Variants in ERC2 observed in about 807,000 individuals in gnomAD.
ERC2 encodes the protein ELKS/RAB6-interacting/CAST family member 2.
ERC2 carries 42 observed loss-of-function variants against 114.8 expected under a neutral mutation model. The ratio of observed to expected loss-of-function variants is 0.37; its 90% CI spans 0.29 to 0.47. The LOEUF is 0.47. Among genes scored for constraint, ERC2 ranks in the 20% least tolerant of loss-of-function variants. ERC2 has a pLI of 0.99. For missense variants in ERC2, 939 were observed against 1,150.7 expected (o/e 0.82, Z 2.66); for synonymous variants, 454 against 425.5 (o/e 1.07, Z -0.82).
chr3:55,565,892 C>T (rs749871214), intron 17 of ERC2, among the ~76,000 whole-genome samples: 1 of 152,204 alleles, frequency 6.6e-6, no homozygotes, highest in Non-Finnish European at 1.5e-5. Flanking sequence ...GAAAGCAGGG[C>T]GAGTCAAAAG....
At chr3:55,860,650 TA>T (rs1227112257) in intron 14 of ERC2, among the ~76,000 whole-genome samples, 1 of 152,152 alleles carries the variant, frequency 6.6e-6, no homozygotes, top group African/African-American at 2.4e-5. Flanking sequence ...GAAGCCTGCT[TA>T]AAAAGCTCGA....
At position 55,949,648 on chromosome 3, in the gene ERC2, C is replaced by T. The variant is rs561024509; in HGVS notation, c.2403+777G>A. Among the ~76,000 whole-genome samples, 3 of 152,324 alleles carry T rather than the reference C, an allele frequency of 2.0e-5. No homozygotes were observed. The East Asian group carries it at 5.8e-4, about 29-fold the overall frequency. ...ATGAGTACATATTGAAATTATCTAACTTCTCCTATCTCCAAGGAGGAAACC... is the reference window on the plus strand; with the variant it reads ...ATGAGTACATATTGAAATTATCTAATTTCTCCTATCTCCAAGGAGGAAACC... On this transcript the variant is annotated intron_variant, in intron 13 of 17. Transcript: ENST00000288221.
chr3:55,861,975 A>G (rs2062047962), intron 14 of ERC2, among the ~76,000 whole-genome samples: 1 of 152,258 alleles, frequency 6.6e-6, no homozygotes, highest in African/African-American at 2.4e-5. Context: ...AGTGTTAAAC[A>G]TCACTCTAAT....
In ERC2 at chr3:55,953,620, T is replaced by C. The variant is rs537706387; in HGVS notation, c.2268-3060A>G. Among the ~76,000 whole-genome samples the C allele has an allele frequency of 5.3e-5, 8 of 152,302 alleles. No individual in the cohort carries two copies. The East Asian group carries it at 1.2e-3, about 22-fold the overall frequency. On this transcript the variant is annotated intron_variant, in intron 12 of 17. Transcript: ENST00000288221. The stretch of plus-strand genomic sequence containing the variant: ...GTGGAATAGGTGAGCAGAGCCTCAC[T>C]ACCAGATAACCCCTCTCTCAAGTGT...
At chr3:55,901,037 G>C (rs2064108462) in intron 13 of ERC2, among the ~76,000 whole-genome samples, 2 of 152,148 alleles carry the variant, frequency 1.3e-5, no homozygotes, top group African/African-American at 4.8e-5. Context: ...GAGAGGCTCT[G>C]GGAGGAAACC....
chr3:56,290,361 G>T (rs563253169), intron 3 of ERC2, among the ~76,000 whole-genome samples: 83 of 152,318 alleles, frequency 5.4e-4, no homozygotes, highest in African/African-American at 1.8e-3. Context: ...TGGGAATACT[G>T]ATGGAATGTA....
intron 8 of ERC2, among the ~76,000 whole-genome samples, chr3:56,017,737 C>T (rs967957967): frequency 5.9e-5 from 9 of 152,086 alleles, no homozygotes; most frequent in Non-Finnish European, 1.0e-4. Flanking sequence ...CCTCTGAAAT[C>T]CTAGGAATGT....
At chr3:56,245,384 A>G (rs896690154) in intron 3 of ERC2, among the ~76,000 whole-genome samples, 1 of 152,122 alleles carries the variant, frequency 6.6e-6, no homozygotes, top group African/African-American at 2.4e-5. Flanking sequence ...GGCCCAGTAT[A>G]TGTCAGTACA....
chr3:55,592,201 G>T (rs1404513057), intron 17 of ERC2, among the ~76,000 whole-genome samples: 3 of 152,228 alleles, frequency 2.0e-5, no homozygotes, highest in Non-Finnish European at 2.9e-5. Flanking sequence ...AGCAGCTCTT[G>T]CTAACTCAGT....
intron 6 of ERC2, among the ~76,000 whole-genome samples, chr3:56,135,959 TC>T (rs2080478770): frequency 6.6e-6 from 1 of 152,016 alleles, no homozygotes; most frequent in Non-Finnish European, 1.5e-5. Flanking sequence ...GGCCTTAGAG[TC>T]CTTTGAAGCT....
chr3:55,737,085 C>T (rs533094525), intron 14 of ERC2, among the ~76,000 whole-genome samples: 1 of 152,264 alleles, frequency 6.6e-6, no homozygotes, highest in East Asian at 1.9e-4. Context: ...TCCTGTTTTG[C>T]CTTTCTTTAA....
intron 17 of ERC2, among the ~76,000 whole-genome samples, chr3:55,628,612 G>C (rs535399446): frequency 6.6e-5 from 10 of 152,262 alleles, no homozygotes; most frequent in African/African-American, 2.4e-4. Flanking sequence ...CTGGCACAGG[G>C]TTCCATCGAG....
chr3:56,343,192 T>TACACA (rs2058163813), intron 2 of ERC2, among the ~76,000 whole-genome samples: 2 of 126,130 alleles, frequency 1.6e-5, no homozygotes, highest in Non-Finnish European at 3.3e-5. Flanking sequence ...TCTCTCTCTC[T>TACACA]CACACACACA....
At chr3:55,617,738 A>T (rs2148587427) in intron 17 of ERC2, among the ~76,000 whole-genome samples, 2 of 152,366 alleles carry the variant, frequency 1.3e-5, no homozygotes, top group Non-Finnish European at 2.9e-5. Context: ...AAAAGGGCCC[A>T]GAATGTCAGA....
At chr3:56,065,297 A>G (rs2076419056) in intron 7 of ERC2, among the ~76,000 whole-genome samples, 1 of 151,848 alleles carries the variant, frequency 6.6e-6, no homozygotes, top group Non-Finnish European at 1.5e-5. Context: ...ATCATGGCTC[A>G]CTGCAGCCTC....
At chr3:56,353,807 A>AT (rs2058642743) in intron 2 of ERC2, among the ~76,000 whole-genome samples, 3 of 147,882 alleles carry the variant, frequency 2.0e-5, no homozygotes, top group African/African-American at 4.9e-5. Flanking sequence ...CGTATAATAA[A>AT]ATATATATAT....
chr3:56,305,596 A>C (rs2056172880), intron 2 of ERC2, among the ~76,000 whole-genome samples: 1 of 152,072 alleles, frequency 6.6e-6, no homozygotes, highest in Admixed American at 6.6e-5. Context: ...AAATAACAAT[A>C]GCAAGTACTG....
At chr3:56,137,709 A>C (rs1417633890) in intron 6 of ERC2, among the ~76,000 whole-genome samples, 1 of 152,164 alleles carries the variant, frequency 6.6e-6, no homozygotes, top group African/African-American at 2.4e-5. Context: ...GTTTTGGTTG[A>C]CCCCTATTTG....
intron 15 of ERC2, among the ~76,000 whole-genome samples, chr3:55,703,053 T>C (rs2063307221): frequency 6.6e-6 from 1 of 152,142 alleles, no homozygotes; most frequent in African/African-American, 2.4e-5. Flanking sequence ...TCTAATCAGA[T>C]TTCATTTTCT....
Sources: gnomAD v4.1 joint callset for allele counts (sites outside exome capture counted in the v4.1 genomes callset) on GRCh38, gnomAD v4.1.1 for gene constraint, MANE v1.5 for transcripts, NCBI Gene and HGNC (gene_info 2026-07-23, HGNC 2026-07-21) for gene names.